The following CACNA2D2 variants were observed in gnomAD, a reference collection of about 807,000 sequenced individuals.
CACNA2D2 encodes calcium voltage-gated channel auxiliary subunit alpha2delta 2, also known as voltage-dependent calcium channel subunit alpha-2/delta-2.
Under a neutral mutation model 166.4 loss-of-function variants are expected in CACNA2D2, and 48 were observed. That is an observed-to-expected ratio of 0.29 (90% CI 0.23 to 0.37). CACNA2D2 has a LOEUF of 0.37. CACNA2D2 is among the 10% of genes least tolerant of loss of function. The pLI is 1.00. For synonymous variants in CACNA2D2, 561 were observed against 573.7 expected (o/e 0.98, Z 0.32); for missense variants, 1,122 against 1,433.0 (o/e 0.78, Z 3.50).
In CACNA2D2 at chr3:50,433,498, G is replaced by A. The variant is rs183309312; in HGVS notation, c.405+815C>T. On this transcript the variant is annotated intron_variant, in intron 3 of 37. Transcript: ENST00000424201. ...GCCTCCTGAGTAGCTGAGACTACAG[G>A]TGTGCATCACCATGCCCAGCTTTGC... Among the ~76,000 whole-genome samples, 17 of 152,238 alleles carry A rather than the reference G, an allele frequency of 1.1e-4. No individual in the cohort carries two copies. The South Asian group carries it at 1.9e-3, about 17-fold the overall frequency.
At position 50,365,084 on chromosome 3, in the gene CACNA2D2, CCTT is replaced by C. The variant is rs1381715737; in HGVS notation, c.3196_3198del (p.Lys1066del). ...GGCGGGGGCAGGATACAGTGCGTCT[CCTT>C]CTGCAGCAGCCGGCCAGCCTCGCAC... On this transcript the variant is annotated inframe_deletion, in exon 36 of 38. Coordinates refer to ENST00000424201, the MANE Select transcript of CACNA2D2 (RefSeq NM_006030.4). This position sits in a 1 kb window ranked among gnomAD's most constrained non-coding sequence, Gnocchi z 4.5. The C allele has an allele frequency of 1.2e-5, 19 of 1,611,352 alleles. No individual in the cohort carries two copies. The highest frequency in any genetic ancestry group is 2.2e-5 in the East Asian group (1 of 44,868).
chr3:50,397,229 A>G (rs1380667389), intron 3 of CACNA2D2, among the ~76,000 whole-genome samples: 1 of 152,260 alleles, frequency 6.6e-6, no homozygotes, highest in Non-Finnish European at 1.5e-5. Context: ...CGGAGTCGTA[A>G]TAGCCACAGC....
Position 50,365,914 on chromosome 3 carries a change from C to A in CACNA2D2, c.2863-52G>T. 1 of 1,612,338 alleles carries A rather than the reference C, an allele frequency of 6.2e-7. No individual in the cohort carries two copies. Among genetic ancestry groups the A allele is most frequent in the South Asian group, 1.1e-5 (1 of 90,978 alleles). ...GCCACTGCTGCCCCTCGCCCTAGGT[C>A]ACCCCCAGCTTTATCAAATGTCAGA... On this transcript the variant is annotated intron_variant, in intron 32 of 37. Coordinates refer to ENST00000424201, the MANE Select transcript of CACNA2D2 (RefSeq NM_006030.4). This position sits in a 1 kb window ranked among gnomAD's most constrained non-coding sequence, Gnocchi z 4.5.
At chr3:50,451,231 T>C (rs1239619224) in intron 2 of CACNA2D2, among the ~76,000 whole-genome samples, 1 of 152,062 alleles carries the variant, frequency 6.6e-6, no homozygotes, top group Non-Finnish European at 1.5e-5. Context: ...GTTCAAGCGA[T>C]TCCCCTGCCT....
chr3:50,450,474 G>A (rs921705316), intron 2 of CACNA2D2, among the ~76,000 whole-genome samples: 5 of 152,032 alleles, frequency 3.3e-5, no homozygotes, highest in South Asian at 2.1e-4. Flanking sequence ...AATGAATCTC[G>A]AATCTTAAGA....
Position 50,376,202 on chromosome 3 carries a change from T to A in CACNA2D2, c.1627-14A>T. 1.2e-6 allele frequency: 2 copies of A among 1,612,992 alleles called. No individual in the cohort carries two copies. The highest frequency in any genetic ancestry group is 3.3e-4 in the Middle Eastern group (2 of 6,052). ...GTTGGCTCCAAGCTGGAGGCACAGA[T>A]TGGGGGCTCAGGGTCTGGAGGGATG... On this transcript the variant is annotated splice_polypyrimidine_tract_variant and intron_variant, in intron 17 of 37. Coordinates refer to ENST00000424201, the MANE Select transcript of CACNA2D2 (RefSeq NM_006030.4). This position sits in a 1 kb window ranked among gnomAD's most constrained non-coding sequence, Gnocchi z 4.3.
At chr3:50,495,720 G>A (rs1377479385) in intron 1 of CACNA2D2, among the ~76,000 whole-genome samples, 2 of 152,168 alleles carry the variant, frequency 1.3e-5, no homozygotes, top group African/African-American at 4.8e-5. Context: ...CCTTCAGTGT[G>A]CAAATGAGAA....
At chr3:50,381,324 A>C (rs1313033159) in intron 6 of CACNA2D2, among the ~76,000 whole-genome samples, 198 bp from the exon 7 acceptor site, 2 of 151,630 alleles carry the variant, frequency 1.3e-5, no homozygotes, top group African/African-American at 4.8e-5. Flanking sequence ...CACCCCTCCC[A>C]AGCTGTGAAA....
At chr3:50,493,448 G>C (rs760746142) in intron 1 of CACNA2D2, among the ~76,000 whole-genome samples, 1 of 152,226 alleles carries the variant, frequency 6.6e-6, no homozygotes, top group African/African-American at 2.4e-5. Flanking sequence ...ACCTGGGTCT[G>C]CAGATGATGC....
intron 3 of CACNA2D2, among the ~76,000 whole-genome samples, chr3:50,425,746 T>G (rs949549502): frequency 2.0e-5 from 3 of 152,154 alleles, no homozygotes; most frequent in African/African-American, 7.2e-5. Flanking sequence ...CAGGGGATCC[T>G]CCCTCTACGC....
intron 21 of CACNA2D2, 65 bp from the exon 22 acceptor site, chr3:50,374,878 T>A (rs1704891152): frequency 7.5e-7 from 1 of 1,339,360 alleles, no homozygotes; most frequent in Admixed American, 2.0e-5. Context: ...CCCCTCCCCA[T>A]GGCCTTGGAG....
intron 2 of CACNA2D2, among the ~76,000 whole-genome samples, chr3:50,448,052 T>C (rs935109537): frequency 1.3e-5 from 2 of 152,108 alleles, no homozygotes; most frequent in African/African-American, 4.8e-5. Flanking sequence ...CCTTGAGCCC[T>C]CTGAGTTGCT....
rs1704242940 is a variant in CACNA2D2, at chr3:50,365,915, A to C, written c.2863-53T>G. 6.2e-7 allele frequency: 1 copy of C among 1,612,090 alleles called. No homozygotes were observed. Among genetic ancestry groups the C allele is most frequent in the East Asian group, 2.2e-5 (1 of 44,850 alleles). On this transcript the variant is annotated intron_variant, in intron 32 of 37. Coordinates refer to ENST00000424201, the MANE Select transcript of CACNA2D2 (RefSeq NM_006030.4). This position sits in a 1 kb window ranked among gnomAD's most constrained non-coding sequence, Gnocchi z 4.5. Reference sequence around the variant, plus strand: ...CCACTGCTGCCCCTCGCCCTAGGTCACCCCCAGCTTTATCAAATGTCAGAG... The same window carrying C: ...CCACTGCTGCCCCTCGCCCTAGGTCCCCCCCAGCTTTATCAAATGTCAGAG...
At chr3:50,471,861 G>A (rs1264843130) in intron 2 of CACNA2D2, among the ~76,000 whole-genome samples, 2 of 152,206 alleles carry the variant, frequency 1.3e-5, no homozygotes, top group Non-Finnish European at 2.9e-5. Flanking sequence ...GAGATGGCTG[G>A]GGGCAGAGAA....
Position 50,471,886 on chromosome 3 carries a change from A to C in CACNA2D2, c.288+4232T>G, listed in dbSNP as rs557529140. On this transcript the variant is annotated intron_variant, in intron 2 of 37. Transcript: ENST00000424201. ...GGGGCAGAGAAGATGGAGTAGATGG[A>C]GTAGGACTGTGCCGCTGTCACTGGT... 2.0e-5 allele frequency among the ~76,000 whole-genome samples: 3 copies of C among 152,338 alleles called. No homozygotes were observed. The South Asian group carries it at 6.2e-4, about 32-fold the overall frequency.
chr3:50,450,953 T>C (rs1217333741), intron 2 of CACNA2D2, among the ~76,000 whole-genome samples: 1 of 152,160 alleles, frequency 6.6e-6, no homozygotes, highest in Admixed American at 6.5e-5. Context: ...CATGGGGCCC[T>C]TGGAAATGAG....
chr3:50,397,462 C>A (rs1333860370), intron 3 of CACNA2D2, among the ~76,000 whole-genome samples: 1 of 152,124 alleles, frequency 6.6e-6, no homozygotes, highest in East Asian at 1.9e-4. Context: ...ACTGGGACCA[C>A]CACTGGTGTG....
intron 15 of CACNA2D2, 55 bp from the exon 16 acceptor site, chr3:50,377,858 G>A: frequency 6.5e-7 from 1 of 1,536,522 alleles, no homozygotes. Context: ...ACCCCACCCT[G>A]AGTGTTCAGA....
Position 50,380,079 on chromosome 3 carries a change from C to T in CACNA2D2, c.843-61G>A, listed in dbSNP as rs587637988. 6.6e-7 allele frequency: 1 copy of T among 1,523,076 alleles called. No individual in the cohort carries two copies. The highest frequency in any genetic ancestry group is 1.1e-5 in the South Asian group (1 of 89,056). The allele number at this position is 1,523,076 out of a possible 1,614,324, so 94.3% of individuals were successfully genotyped here. A position where few individuals can be genotyped will look rare whatever the true frequency, so the allele number is the denominator to read the frequency against. ...CTGGGACCTTGTGGGTCCTTCCTTC[C>T]TTCACATACATATTGATTCAATACA... is the stretch of plus-strand genomic sequence containing the variant. On this transcript the variant is annotated intron_variant, in intron 8 of 37. Coordinates refer to ENST00000424201, the MANE Select transcript of CACNA2D2 (RefSeq NM_006030.4). This position sits in a 1 kb window ranked among gnomAD's most constrained non-coding sequence, Gnocchi z 4.9.
Sources: allele counts gnomAD v4.1 joint callset (sites outside exome capture counted in the v4.1 genomes callset), GRCh38; gene constraint gnomAD v4.1.1; non-coding constraint Gnocchi (gnomAD v3.1); transcripts MANE v1.5; gene names NCBI Gene and HGNC (gene_info 2026-07-23, HGNC 2026-07-21).